UNC5D: variants seen among roughly 807,000 people sequenced by gnomAD.
UNC5D encodes the protein netrin receptor UNC5D.
In UNC5D, 39 loss-of-function variants were observed where a neutral mutation model predicts 105.4. The ratio of observed to expected loss-of-function variants is 0.37; its 90% CI spans 0.29 to 0.48. The LOEUF (loss-of-function observed/expected upper bound fraction) is 0.48, where lower values mean the gene tolerates loss of function less well. Among genes scored for constraint, UNC5D ranks in the 20% least tolerant of loss-of-function variants. The probability of loss-of-function intolerance (pLI) is 0.98; values close to 1 mark genes in which losing one functional copy is unlikely to be tolerated. For synonymous variants in UNC5D, 452 were observed against 450.4 expected (o/e 1.00, Z -0.04); for missense variants, 991 against 1,202.4 (o/e 0.82, Z 2.60).
At chr8:35,688,591 T>G (rs1047311699) in intron 7 of UNC5D, among the ~76,000 whole-genome samples, 14 of 152,244 alleles carry the variant, frequency 9.2e-5, no homozygotes, top group African/African-American at 2.2e-4. Context: ...AGTTGTAGTT[T>G]GGGTATGCTC....
At chr8:35,462,634 T>C (rs539949649) in intron 1 of UNC5D, among the ~76,000 whole-genome samples, 1 of 152,304 alleles carries the variant, frequency 6.6e-6, no homozygotes, top group South Asian at 2.1e-4. Flanking sequence ...CTTCATTATT[T>C]CTGTACTTTA....
intron 1 of UNC5D, among the ~76,000 whole-genome samples, chr8:35,264,128 G>T (rs10086587): frequency 0.049 from 7,471 of 152,250 alleles, 209 homozygotes; most frequent in African/African-American, 0.074. Context: ...GCATTTTGGA[G>T]AGTGAAAGCA....
chr8:35,558,802 GC>G (rs1428544275), intron 2 of UNC5D, among the ~76,000 whole-genome samples: 5 of 152,150 alleles, frequency 3.3e-5, no homozygotes, highest in African/African-American at 9.7e-5. Flanking sequence ...GGCCAACAAG[GC>G]AAAACCTCAT....
chr8:35,534,173 T>A (rs2589744), intron 1 of UNC5D, among the ~76,000 whole-genome samples: 70,192 of 151,976 alleles, frequency 0.46, 20,434 homozygotes, highest in African/African-American at 0.83. Flanking sequence ...TTTTTATCGC[T>A]GGAATTGTAT....
intron 1 of UNC5D, among the ~76,000 whole-genome samples, chr8:35,250,526 G>A (rs922650446): frequency 2.6e-5 from 4 of 151,878 alleles, no homozygotes; most frequent in African/African-American, 7.3e-5. Flanking sequence ...ATGGAGTCTC[G>A]CTCTGTTGCC....
chr8:35,371,154 A>G (rs1325628796), intron 1 of UNC5D, among the ~76,000 whole-genome samples: 1 of 150,326 alleles, frequency 6.7e-6, no homozygotes, highest in Admixed American at 6.7e-5. Context: ...TCAAGGTTGC[A>G]GTGAGCTATG....
chr8:35,308,111 A>AGTGT (rs1808571538), intron 1 of UNC5D, among the ~76,000 whole-genome samples: 1 of 108,610 alleles, frequency 9.2e-6, no homozygotes, highest in African/African-American at 3.7e-5. Context: ...TCTATGTCAC[A>AGTGT]ATGTATGTGT....
intron 1 of UNC5D, among the ~76,000 whole-genome samples, chr8:35,457,561 CTGTTTGGAATA>C (rs1808578005): frequency 6.6e-6 from 1 of 152,100 alleles, no homozygotes. Flanking sequence ...ATCATTCAAG[CTGTTTGGAATA>C]TGTTCTTGTC....
chr8:35,442,857 A>ATCTC lies in UNC5D; in HGVS notation c.104-106413_104-106410dup, dbSNP rs138221035. On this transcript the variant is annotated intron_variant, in intron 1 of 16. Coordinates refer to ENST00000404895, the MANE Select transcript of UNC5D (RefSeq NM_080872.4). ...AAATTAAAACTCTATTTCTTACACC[A>ATCTC]TCTCTCTCTCTCTCTCTCTCTCTCT... Among the ~76,000 whole-genome samples the ATCTC allele has an allele frequency of 1.2e-3, 126 of 106,956 alleles. 1 individual carries two copies. The highest frequency in any genetic ancestry group is 0.013 in the Middle Eastern group (2 of 150). 70.2% of individuals were successfully genotyped at this position (106,956 alleles called of 152,430 possible).
At chr8:35,517,727 A>C (rs1813193462) in intron 1 of UNC5D, among the ~76,000 whole-genome samples, 1 of 152,170 alleles carries the variant, frequency 6.6e-6, no homozygotes, top group African/African-American at 2.4e-5. Flanking sequence ...TGGATGTCTG[A>C]GTTTGTTCAG....
chr8:35,433,953 C>T (rs1173859338), intron 1 of UNC5D, among the ~76,000 whole-genome samples: 2 of 151,794 alleles, frequency 1.3e-5, no homozygotes, highest in Non-Finnish European at 1.5e-5. Context: ...ATTATCTTTC[C>T]TGACTCCTAC....
At chr8:35,668,065 G>C (rs999218714) in intron 4 of UNC5D, among the ~76,000 whole-genome samples, 19 of 152,066 alleles carry the variant, frequency 1.2e-4, no homozygotes, top group Admixed American at 9.8e-4. Context: ...TTCATCAAAA[G>C]TGAATAGAAA....
At chr8:35,431,466 T>G (rs1442169077) in intron 1 of UNC5D, among the ~76,000 whole-genome samples, 1 of 152,140 alleles carries the variant, frequency 6.6e-6, no homozygotes, top group Admixed American at 6.6e-5. Context: ...ATCTTTACCA[T>G]TATTTTCAAG....
chr8:35,579,065 CA>C (rs899381116), intron 3 of UNC5D, among the ~76,000 whole-genome samples: 2 of 152,270 alleles, frequency 1.3e-5, no homozygotes, highest in Admixed American at 6.5e-5. Context: ...AGAAGTTTAT[CA>C]GGGGAGAGGA....
chr8:35,705,792 A>T, intron 7 of UNC5D, 137 bp from the exon 8 acceptor site: 1 of 467,040 alleles, frequency 2.1e-6, no homozygotes, highest in Non-Finnish European at 3.6e-6. Context: ...AACTATGGAC[A>T]ATGCCATTCC....
chr8:35,740,163 A>G (rs1035974970), intron 11 of UNC5D, among the ~76,000 whole-genome samples: 4 of 152,238 alleles, frequency 2.6e-5, no homozygotes, highest in Non-Finnish European at 4.4e-5. Flanking sequence ...GAAGGCAGAA[A>G]GCTGGCTCCC....
At chr8:35,653,854 A>G (rs1823570217) in intron 4 of UNC5D, among the ~76,000 whole-genome samples, 1 of 152,126 alleles carries the variant, frequency 6.6e-6, no homozygotes, top group Non-Finnish European at 1.5e-5. Flanking sequence ...CATACTCTGT[A>G]CTTGTTATAA....
intron 3 of UNC5D, among the ~76,000 whole-genome samples, chr8:35,594,648 G>A (rs758133125): frequency 9.9e-5 from 15 of 152,124 alleles, no homozygotes; most frequent in Non-Finnish European, 2.1e-4. Context: ...GAGAAGTAAA[G>A]GCCAACTCCC....
intron 14 of UNC5D, among the ~76,000 whole-genome samples, chr8:35,761,136 G>A (rs1801514254): frequency 6.6e-6 from 1 of 152,098 alleles, no homozygotes; most frequent in Non-Finnish European, 1.5e-5. Context: ...TATTCAAGAT[G>A]TAGGTCTCTT....
Sources: allele counts gnomAD v4.1 joint callset (sites outside exome capture counted in the v4.1 genomes callset), GRCh38; gene constraint gnomAD v4.1.1; transcripts MANE v1.5; gene names NCBI Gene and HGNC (gene_info 2026-07-23, HGNC 2026-07-21).